ARHGAP8: variants seen among roughly 807,000 people sequenced by gnomAD.
The protein encoded by ARHGAP8 is Rho GTPase activating protein 8, also known as rho GTPase-activating protein 8.
Under a neutral mutation model 46.1 loss-of-function variants are expected in ARHGAP8, and 62 were observed. That is an observed-to-expected ratio of 1.34 (90% confidence interval 1.10 to 1.66). The LOEUF (loss-of-function observed/expected upper bound fraction) is 1.66, where lower values mean the gene tolerates loss of function less well. Ranked by LOEUF, ARHGAP8 falls within the 40% of genes most tolerant of loss-of-function variation. The pLI is 0.00. For missense variants in ARHGAP8, 923 were observed against 568.4 expected (o/e 1.62, Z -6.34); for synonymous variants, 375 against 243.1 (o/e 1.54, Z -5.05).
At chr22:44,811,086 AGAG>A (rs1929301607) in intron 4 of ARHGAP8, among the ~76,000 whole-genome samples, 2 of 152,210 alleles carry the variant, frequency 1.3e-5, no homozygotes, top group African/African-American at 4.8e-5. Context: ...AAATCAGCCC[AGAG>A]AAACAAACCC....
intron 5 of ARHGAP8, 56 bp downstream of exon 5, chr22:44,814,814 G>A: frequency 6.3e-7 from 1 of 1,593,238 alleles, no homozygotes; most frequent in Admixed American, 1.7e-5. Flanking sequence ...ACCCCTCAGG[G>A]TCCATGGGAC....
chr22:44,769,812 G>T (rs1925863777), intron 1 of ARHGAP8, among the ~76,000 whole-genome samples: 1 of 152,174 alleles, frequency 6.6e-6, no homozygotes, highest in Admixed American at 6.5e-5. Context: ...TTGATTCAAG[G>T]CCAGCCCACA....
intron 2 of ARHGAP8, among the ~76,000 whole-genome samples, chr22:44,793,388 C>T (rs971011287): frequency 1.3e-5 from 2 of 152,120 alleles, no homozygotes; most frequent in African/African-American, 4.8e-5. Context: ...CCTGGCCCTG[C>T]AGGACAACAC....
At chr22:44,820,096 C>A (rs1443513911) in intron 5 of ARHGAP8, among the ~76,000 whole-genome samples, 7 of 152,176 alleles carry the variant, frequency 4.6e-5, no homozygotes, top group Admixed American at 4.6e-4. Flanking sequence ...TCTCGCCAGA[C>A]CTCCTGACTC....
chr22:44,836,667 C>A (rs1312944494), intron 7 of ARHGAP8, among the ~76,000 whole-genome samples: 1 of 151,574 alleles, frequency 6.6e-6, no homozygotes, highest in Non-Finnish European at 1.5e-5. Flanking sequence ...GAGAACTTTG[C>A]AGGTCAGTGG....
chr22:44,812,727 C>T (rs1005642070), intron 4 of ARHGAP8, among the ~76,000 whole-genome samples: 2 of 152,076 alleles, frequency 1.3e-5, no homozygotes, highest in African/African-American at 4.8e-5. Context: ...ATATCCTGCT[C>T]CTTGTCAAAA....
rs145217268 is a variant in ARHGAP8 at position 44,859,736 on chromosome 22, G to C, written c.883G>C (p.Glu295Gln). 2 of 1,613,614 alleles carry C rather than the reference G, an allele frequency of 1.2e-6. No individual in the cohort carries two copies. The highest frequency in any genetic ancestry group is 2.2e-5 in the East Asian group (1 of 44,884). Reference protein sequence around the residue: ...YEQILGITCVESSLRVTGCRQ... With the variant: ...YEQILGITCVQSSLRVTGCRQ... Reference sequence around the variant, plus strand: ...GGAGCCCCATGCCCTTCCAGGTGTGGAGAGCAGCCTGCGTGTCACTGGCTG... The same window carrying C: ...GGAGCCCCATGCCCTTCCAGGTGTGCAGAGCAGCCTGCGTGTCACTGGCTG... The change falls in exon 11 of 12, where the codon GAG (glutamate) becomes CAG (glutamine). Residue 295 changes from glutamate to glutamine, a missense_variant. Coordinates refer to ENST00000356099, the MANE Select transcript of ARHGAP8 (RefSeq NM_181335.3).
chr22:44,756,866 A>G (rs923764775), intron 1 of ARHGAP8, among the ~76,000 whole-genome samples: 13 of 151,694 alleles, frequency 8.6e-5, no homozygotes, highest in African/African-American at 3.2e-4. Context: ...TCCATCCCTC[A>G]CTTTTTTTTC....
chr22:44,849,414 C>T (rs1345443855), intron 10 of ARHGAP8: 2 of 239,658 alleles, frequency 8.3e-6, no homozygotes, highest in African/African-American at 4.9e-5. Flanking sequence ...ACCCTCAGCT[C>T]TCTCATCTAG....
chr22:44,814,372 C>T (rs1260143145), intron 4 of ARHGAP8, among the ~76,000 whole-genome samples: 4 of 152,144 alleles, frequency 2.6e-5, no homozygotes, highest in Non-Finnish European at 5.9e-5. Flanking sequence ...AAATTGCCCC[C>T]AGGATGTGCT....
intron 1 of ARHGAP8, among the ~76,000 whole-genome samples, chr22:44,760,267 A>G (rs1817750638): frequency 6.6e-6 from 1 of 152,120 alleles, no homozygotes; most frequent in South Asian, 2.1e-4. Flanking sequence ...GAGACAAAAG[A>G]GTGGAAGTTA....
chr22:44,806,288 TG>T (rs1172826386), intron 3 of ARHGAP8, among the ~76,000 whole-genome samples: 5 of 152,228 alleles, frequency 3.3e-5, no homozygotes, highest in African/African-American at 1.2e-4. Flanking sequence ...GCCCACATGG[TG>T]TTCGAGACAG....
intron 4 of ARHGAP8, among the ~76,000 whole-genome samples, chr22:44,810,605 A>G (rs933771915): frequency 3.3e-5 from 5 of 152,190 alleles, no homozygotes; most frequent in African/African-American, 1.2e-4. Context: ...AGGAAGTACC[A>G]AGGTTCCAGC....
chr22:44,808,641 T>TA (rs201812057), intron 4 of ARHGAP8: 65,645 of 348,194 alleles, frequency 0.19, 2,752 homozygotes, highest in East Asian at 0.36. Context: ...TTGGCACTCA[T>TA]TTTTTTTTTT....
chr22:44,854,636 TTTTTG>T (rs2070177852), intron 10 of ARHGAP8, among the ~76,000 whole-genome samples: 1 of 152,198 alleles, frequency 6.6e-6, no homozygotes, highest in Non-Finnish European at 1.5e-5. Flanking sequence ...GCAGCTGGTT[TTTTTG>T]TTTTGTTTTT....
intron 6 of ARHGAP8, among the ~76,000 whole-genome samples, chr22:44,824,424 C>T (rs896637760): frequency 6.6e-6 from 1 of 152,132 alleles, no homozygotes; most frequent in Non-Finnish European, 1.5e-5. Flanking sequence ...CCTGCATTGT[C>T]GGGTGCCTAA....
At chr22:44,760,263 A>G (rs117447696) in intron 1 of ARHGAP8, among the ~76,000 whole-genome samples, 2,999 of 152,256 alleles carry the variant, frequency 0.02, 46 homozygotes, top group Non-Finnish European at 0.031. Flanking sequence ...AGCTGAGACA[A>G]AAGAGTGGAA....
chr22:44,773,907 T>C (rs1926224330), intron 1 of ARHGAP8, among the ~76,000 whole-genome samples: 1 of 152,216 alleles, frequency 6.6e-6, no homozygotes, highest in Non-Finnish European at 1.5e-5. Flanking sequence ...TAATATGCCA[T>C]TTATACTATA....
At chr22:44,807,278 CCCTT>C (rs1039773651) in intron 3 of ARHGAP8, among the ~76,000 whole-genome samples, 2 of 152,180 alleles carry the variant, frequency 1.3e-5, no homozygotes, top group African/African-American at 2.4e-5. Context: ...CCTTCTGGAG[CCCTT>C]CCTTCTGCAG....
Sources: gnomAD v4.1 joint callset for allele counts (sites outside exome capture counted in the v4.1 genomes callset) on GRCh38, gnomAD v4.1.1 for gene constraint, MANE v1.5 for transcripts, NCBI Gene and HGNC (gene_info 2026-07-23, HGNC 2026-07-21) for gene names.